Variants in UNC13B observed in about 807,000 individuals in gnomAD.
The protein encoded by UNC13B is unc-13 homolog B, also known as protein unc-13 homolog B.
UNC13B carries 144 observed loss-of-function variants against 211.0 expected under a neutral mutation model. The ratio of observed to expected loss-of-function variants is 0.68; its 90% CI spans 0.60 to 0.78. The LOEUF is 0.78. Ranked by LOEUF, UNC13B falls within the 30% of genes least tolerant of loss-of-function variation. The pLI, the probability that UNC13B is intolerant of heterozygous loss-of-function variation, is 0.00. For synonymous variants in UNC13B, 709 were observed against 725.8 expected (o/e 0.98, Z 0.37); for missense variants, 1,777 against 2,002.0 (o/e 0.89, Z 2.14).
At chr9:35,173,702 G>A (rs558908909) in intron 1 of UNC13B, among the ~76,000 whole-genome samples, 46 of 152,272 alleles carry the variant, frequency 3.0e-4, no homozygotes, top group African/African-American at 1.0e-3. Flanking sequence ...AGGATTACAG[G>A]CGTGAGCCAC....
chr9:35,313,074 G>A (rs532137562), intron 10 of UNC13B, among the ~76,000 whole-genome samples: 1 of 152,308 alleles, frequency 6.6e-6, no homozygotes, highest in South Asian at 2.1e-4. Context: ...GAAGTGCAGT[G>A]AGAGGGGTTG....
chr9:35,393,566 C>A (rs986172132), intron 26 of UNC13B, among the ~76,000 whole-genome samples: 1 of 147,570 alleles, frequency 6.8e-6, no homozygotes, highest in East Asian at 2.0e-4. Context: ...GGCTTTTGGA[C>A]TCTCTCTCTT....
chr9:35,310,520 C>G lies in UNC13B; in HGVS notation c.9062C>G (p.Ser3021Cys), dbSNP rs771094380. Reference sequence around the variant, plus strand: ...TCCTGTAATGTGAGTCAAGGAAGCTCTCAGCTAAGTGAACTAGACCAGTAT... The same window carrying G: ...TCCTGTAATGTGAGTCAAGGAAGCTGTCAGCTAAGTGAACTAGACCAGTAT... Reference protein sequence around the residue: ...GSSCNVSQGSSQLSELDQYHE... With the variant: ...GSSCNVSQGSCQLSELDQYHE... Residue 3021 changes from serine (S) to cysteine (C), a missense_variant, in exon 10 of 40, where the codon TCT (serine) becomes TGT (cysteine). Coordinates refer to ENST00000635942, the MANE Select transcript of UNC13B (RefSeq NM_001371189.2). 31 of 1,614,012 alleles carry G rather than the reference C, an allele frequency of 1.9e-5. No homozygotes were observed. The highest frequency in any genetic ancestry group is 2.6e-5 in the Non-Finnish European group (31 of 1,180,026).
chr9:35,377,820 G>A (rs1184687193), intron 16 of UNC13B, 125 bp downstream of exon 16: 26 of 1,016,234 alleles, frequency 2.6e-5, no homozygotes, highest in Non-Finnish European at 3.6e-5. Flanking sequence ...CACTGGGAAG[G>A]AAAGGCCTCT....
chr9:35,215,766 G>C (rs1404202592), intron 1 of UNC13B, among the ~76,000 whole-genome samples: 1 of 152,164 alleles, frequency 6.6e-6, no homozygotes, highest in Non-Finnish European at 1.5e-5. Context: ...TGGAAGGCCA[G>C]AAACAATAAG....
At chr9:35,380,960 C>T (rs1834787865) in intron 18 of UNC13B, 140 bp from the exon 19 acceptor site, 1 of 754,492 alleles carries the variant, frequency 1.3e-6, no homozygotes, top group Non-Finnish European at 2.1e-6. Flanking sequence ...TGGAGTGATT[C>T]ACCCTATTTG....
chr9:35,305,225 T>A lies in UNC13B; in HGVS notation c.5821T>A (p.Phe1941Ile). The part of the protein sequence containing the change: ...MTANEKQSSG[F>I]LNLFKTQVNK... Reference sequence around the variant, plus strand: ...AGCAAATGAAAAACAGTCATCTGGATTTTTGAATCTTTTTAAGACTCAGGT... The same window carrying A: ...AGCAAATGAAAAACAGTCATCTGGAATTTTGAATCTTTTTAAGACTCAGGT... Residue 1941 changes from phenylalanine (F) to isoleucine (I), a missense_variant, in exon 9 of 40, where the codon TTT becomes ATT. By Grantham distance (21) the Phe-to-Ile change is conservative. Transcript: ENST00000635942. 1 of 398,940 alleles carries A rather than the reference T, an allele frequency of 2.5e-6. No individual in the cohort carries two copies. Among genetic ancestry groups the A allele is most frequent in the Non-Finnish European group, 4.4e-6 (1 of 225,986 alleles). 24.7% of individuals were successfully genotyped at this position (398,940 alleles called of 1,614,324 possible). A position where few individuals can be genotyped will look rare whatever the true frequency, so the allele number is the denominator to read the frequency against.
intron 11 of UNC13B, among the ~76,000 whole-genome samples, chr9:35,344,316 A>C (rs575286613): frequency 1.3e-5 from 2 of 152,266 alleles, no homozygotes; most frequent in East Asian, 3.9e-4. Context: ...TTTAAGTACA[A>C]CTGGGGAAAG....
At chr9:35,247,756 CA>C (rs1206056481) in intron 6 of UNC13B, among the ~76,000 whole-genome samples, 1 of 152,144 alleles carries the variant, frequency 6.6e-6, no homozygotes, top group Admixed American at 6.5e-5. Flanking sequence ...TTCAGTTTGT[CA>C]GTATTTTATT....
At chr9:35,191,395 T>C (rs1264214756) in intron 1 of UNC13B, among the ~76,000 whole-genome samples, 1 of 152,192 alleles carries the variant, frequency 6.6e-6, no homozygotes, top group Non-Finnish European at 1.5e-5. Flanking sequence ...TCACTGGGCA[T>C]AGGCTGAACC....
intron 11 of UNC13B, among the ~76,000 whole-genome samples, chr9:35,331,280 G>A (rs931433925): frequency 1.3e-5 from 2 of 152,150 alleles, no homozygotes; most frequent in Admixed American, 6.5e-5. Flanking sequence ...ACAAGGTCTC[G>A]CTCTGTCACC....
intron 7 of UNC13B, among the ~76,000 whole-genome samples, chr9:35,290,127 G>T (rs1366023407): frequency 6.6e-6 from 1 of 152,022 alleles, no homozygotes; most frequent in Non-Finnish European, 1.5e-5. Context: ...GTGGATTTTT[G>T]ATTTTGAAAA....
At chr9:35,353,278 G>A in intron 11 of UNC13B, 2 of 1,232,242 alleles carry the variant, frequency 1.6e-6, no homozygotes, top group Non-Finnish European at 2.0e-6. Flanking sequence ...CAAGTAAACT[G>A]GGCCGAGCAA....
chr9:35,331,194 C>CA (rs1270165157), intron 11 of UNC13B, among the ~76,000 whole-genome samples: 2 of 152,126 alleles, frequency 1.3e-5, no homozygotes, highest in Non-Finnish European at 2.9e-5. Context: ...CAAAGTTATC[C>CA]AAAATGAAGC....
chr9:35,227,028 CAG>C (rs1447918540), intron 1 of UNC13B, among the ~76,000 whole-genome samples: 5 of 152,160 alleles, frequency 3.3e-5, no homozygotes, highest in African/African-American at 1.2e-4. Flanking sequence ...CCAGGCTATT[CAG>C]AGAGATGTGT....
intron 5 of UNC13B, among the ~76,000 whole-genome samples, chr9:35,241,488 T>C (rs1016628909): frequency 2.6e-5 from 4 of 151,968 alleles, no homozygotes; most frequent in Non-Finnish European, 5.9e-5. Flanking sequence ...AGAAATCCAT[T>C]TTCTTCCTAT....
At chr9:35,329,606 G>C (rs1313629638) in intron 11 of UNC13B, among the ~76,000 whole-genome samples, 2 of 151,656 alleles carry the variant, frequency 1.3e-5, no homozygotes, top group Non-Finnish European at 2.9e-5. Context: ...TCCCATCCCA[G>C]CCTCCCTAGT....
At chr9:35,372,141 G>A (rs533212342) in intron 13 of UNC13B, among the ~76,000 whole-genome samples, 23 of 152,278 alleles carry the variant, frequency 1.5e-4, no homozygotes, top group African/African-American at 5.5e-4. Flanking sequence ...CCGTGGTGGC[G>A]AGTACCTGTA....
chr9:35,294,024 G>C, intron 7 of UNC13B, among the ~76,000 whole-genome samples: 1 of 152,066 alleles, frequency 6.6e-6, no homozygotes, highest in East Asian at 1.9e-4. Flanking sequence ...AGAGTCCAAT[G>C]CTCAGATTTT....
Sources: allele counts gnomAD v4.1 joint callset (sites outside exome capture counted in the v4.1 genomes callset), GRCh38; gene constraint gnomAD v4.1.1; transcripts MANE v1.5; gene names NCBI Gene and HGNC (gene_info 2026-07-23, HGNC 2026-07-21).